The following RALYL variants were observed in gnomAD, a reference collection of about 807,000 sequenced individuals.
RALYL encodes RNA-binding Raly-like protein.
Under a neutral mutation model 35.1 loss-of-function variants are expected in RALYL, and 29 were observed. That is an observed-to-expected ratio of 0.83 (90% CI 0.61 to 1.13). RALYL has a LOEUF of 1.13. RALYL is among the 50% of genes most tolerant of loss of function. The pLI is 0.00. For missense variants in RALYL, 359 were observed against 360.4 expected, an observed-to-expected ratio of 1.00 and a Z score of 0.03; for synonymous variants, 120 against 127.6, an observed-to-expected ratio of 0.94 and a Z score of 0.40.
intron 1 of RALYL, among the ~76,000 whole-genome samples, chr8:84,485,605 A>G (rs989825583): frequency 2.6e-5 from 4 of 151,932 alleles, no homozygotes; most frequent in Admixed American, 1.3e-4. Flanking sequence ...AACAAAAACT[A>G]CTAGTATCTC....
intron 1 of RALYL, among the ~76,000 whole-genome samples, chr8:84,471,056 G>C (rs1009359460): frequency 6.6e-6 from 1 of 152,032 alleles, no homozygotes; most frequent in Non-Finnish European, 1.5e-5. Flanking sequence ...ACTGCCTCTT[G>C]GCTCTGAGTT....
At chr8:84,619,755 C>A (rs375561692) in intron 2 of RALYL, among the ~76,000 whole-genome samples, 2 of 151,440 alleles carry the variant, frequency 1.3e-5, no homozygotes. Context: ...CCATGTTTAG[C>A]GCTTCCTTCA....
chr8:84,606,386 T>A (rs1276997375), intron 2 of RALYL, among the ~76,000 whole-genome samples: 1 of 152,138 alleles, frequency 6.6e-6, no homozygotes, highest in African/African-American at 2.4e-5. Context: ...AAATAATCCT[T>A]AATGTTAGTC....
chr8:84,332,357 A>C lies in RALYL; in HGVS notation c.-24+147933A>C, dbSNP rs191422664. On this transcript the variant is annotated intron_variant, in intron 1 of 8. Transcript: ENST00000521268. ...ACAGAGGACAGGAAAGAATCCATAG[A>C]CTGAGAAAGGGAAATGTAAAGATTA... Among the ~76,000 whole-genome samples the C allele has an allele frequency of 1.3e-3, 194 of 152,238 alleles. 3 individuals carry two copies. Among genetic ancestry groups the C allele is most frequent in the Admixed American group, 7.0e-3 (107 of 15,276 alleles).
chr8:84,619,770 C>T (rs986769875), intron 2 of RALYL, among the ~76,000 whole-genome samples: 1 of 151,524 alleles, frequency 6.6e-6, no homozygotes, highest in Non-Finnish European at 1.5e-5. Flanking sequence ...CCTTCAGGAG[C>T]TCTTTTAGGG....
chr8:84,570,461 T>G (rs956742570), intron 2 of RALYL, among the ~76,000 whole-genome samples: 2 of 151,916 alleles, frequency 1.3e-5, no homozygotes, highest in African/African-American at 4.8e-5. Flanking sequence ...ATATCATTTA[T>G]TGATTTTTGG....
intron 1 of RALYL, among the ~76,000 whole-genome samples, chr8:84,243,104 C>T (rs1345602516): frequency 6.6e-6 from 1 of 152,076 alleles, no homozygotes; most frequent in Non-Finnish European, 1.5e-5. Context: ...GGAATTCTTT[C>T]CCCATTGCTG....
Position 84,661,955 on chromosome 8 carries a change from T to TG in RALYL, c.257-112624_257-112623insG, listed in dbSNP as rs201951409. Among the ~76,000 whole-genome samples the TG allele has an allele frequency of 8.8e-3, 1,332 of 151,532 alleles. 18 individuals carry two copies. The highest frequency in any genetic ancestry group is 0.031 in the African/African-American group (1,267 of 41,148). The stretch of plus-strand genomic sequence containing the variant: ...ATTTTTGTTACTGTTTTTTTTTTTT[T>TG]CCTTGTGGTCCCATACTTCTTATAG... On this transcript the variant is annotated intron_variant, in intron 2 of 8. Coordinates refer to ENST00000521268, the MANE Select transcript of RALYL (RefSeq NM_173848.7).
chr8:84,218,197 A>G (rs1821297024), intron 1 of RALYL, among the ~76,000 whole-genome samples: 1 of 152,090 alleles, frequency 6.6e-6, no homozygotes, highest in Non-Finnish European at 1.5e-5. Context: ...TTCCAAGTTA[A>G]TATAGGTGAA....
chr8:84,435,275 G>T (rs2047580309), intron 1 of RALYL, among the ~76,000 whole-genome samples: 2 of 152,118 alleles, frequency 1.3e-5, no homozygotes, highest in African/African-American at 4.8e-5. Context: ...ATTTCTGTAT[G>T]TGAGAAGGAA....
At chr8:84,587,745 T>C (rs1000906564) in intron 2 of RALYL, among the ~76,000 whole-genome samples, 1 of 152,214 alleles carries the variant, frequency 6.6e-6, no homozygotes, top group Non-Finnish European at 1.5e-5. Context: ...AATGAGACTT[T>C]CCATGTGTCT....
At chr8:84,816,366 T>C (rs914893995) in intron 4 of RALYL, among the ~76,000 whole-genome samples, 1 of 152,206 alleles carries the variant, frequency 6.6e-6, no homozygotes, top group Admixed American at 6.5e-5. Context: ...AGCATGAAGT[T>C]GAACTTTTAA....
chr8:84,270,471 G>A (rs1450621062), intron 1 of RALYL, among the ~76,000 whole-genome samples: 3 of 152,086 alleles, frequency 2.0e-5, no homozygotes, highest in East Asian at 1.9e-4. Context: ...CAGAAGAGCT[G>A]TAAGGAGATT....
At chr8:84,634,067 G>A (rs528746752) in intron 2 of RALYL, among the ~76,000 whole-genome samples, 1 of 151,928 alleles carries the variant, frequency 6.6e-6, no homozygotes, top group African/African-American at 2.4e-5. Flanking sequence ...AAAGATCACA[G>A]ATTAAACTAA....
At chr8:84,784,578 A>G (rs1039986411) in intron 3 of RALYL, among the ~76,000 whole-genome samples, 1 of 152,244 alleles carries the variant, frequency 6.6e-6, no homozygotes, top group Non-Finnish European at 1.5e-5. Flanking sequence ...AATGTTAATT[A>G]TGAACAAGTT....
At chr8:84,634,726 GAT>G (rs1564282114) in intron 2 of RALYL, among the ~76,000 whole-genome samples, 1 of 151,824 alleles carries the variant, frequency 6.6e-6, no homozygotes, top group Non-Finnish European at 1.5e-5. Context: ...TGGTCAGAAA[GAT>G]AGAAGAGAAG....
At chr8:84,702,710 T>G (rs1039188333) in intron 2 of RALYL, among the ~76,000 whole-genome samples, 3 of 152,118 alleles carry the variant, frequency 2.0e-5, no homozygotes, top group Non-Finnish European at 4.4e-5. Flanking sequence ...ACATTTATAT[T>G]AAAAGTATAT....
intron 7 of RALYL, among the ~76,000 whole-genome samples, chr8:84,882,307 C>A (rs372358159): frequency 6.6e-6 from 1 of 151,990 alleles, no homozygotes; most frequent in African/African-American, 2.4e-5. Context: ...TGTTCGAAGG[C>A]AGCCCTCCTC....
chr8:84,921,008 G>T lies in RALYL; in HGVS notation c.*97G>T. ...TTTCTTACTGGACAGCAGCATCTTT[G>T]GTTCAATTTATATAAAAACCCAAAT... On this transcript the variant is annotated 3_prime_UTR_variant, in exon 9 of 9. Coordinates refer to ENST00000521268, the MANE Select transcript of RALYL (RefSeq NM_173848.7). 1 of 618,374 alleles carries T rather than the reference G, an allele frequency of 1.6e-6. No homozygotes were observed. The highest frequency in any genetic ancestry group is 3.1e-5 in the South Asian group (1 of 32,180). 38.3% of individuals were successfully genotyped at this position (618,374 alleles called of 1,614,324 possible).
Sources: allele counts gnomAD v4.1 joint callset (sites outside exome capture counted in the v4.1 genomes callset), GRCh38; gene constraint gnomAD v4.1.1; transcripts MANE v1.5; gene names NCBI Gene and HGNC (gene_info 2026-07-23, HGNC 2026-07-21).